Variants in BACH2 observed in about 807,000 individuals in gnomAD.
BACH2 encodes the protein BACH transcriptional regulator 2, also known as transcription regulator protein BACH2.
A neutral mutation model predicts 61.8 loss-of-function variants in BACH2; 5 were observed. That is an observed-to-expected ratio of 0.08 (90% confidence interval 0.04 to 0.17). The LOEUF (loss-of-function observed/expected upper bound fraction) is 0.17, where lower values mean the gene tolerates loss of function less well. Ranked by LOEUF, BACH2 falls within the 10% of genes least tolerant of loss-of-function variation. BACH2 has a pLI of 1.00. For missense variants in BACH2, 824 were observed against 1,091.1 expected (o/e 0.76, Z 3.45); for synonymous variants, 446 against 440.1 (o/e 1.01, Z -0.17).
At chr6:90,281,732 CT>C (rs1771864687) in intron 1 of BACH2, among the ~76,000 whole-genome samples, 1 of 152,054 alleles carries the variant, frequency 6.6e-6, no homozygotes, top group Non-Finnish European at 1.5e-5. Context: ...TTTTGATGCA[CT>C]TTTATTTGTT....
At chr6:90,077,104 G>A (rs530891583) in intron 5 of BACH2, among the ~76,000 whole-genome samples, 200 of 152,120 alleles carry the variant, frequency 1.3e-3, no homozygotes, top group Non-Finnish European at 2.5e-3. Flanking sequence ...GCACATGAAG[G>A]ATAAGTTAAA....
chr6:90,231,981 G>A (rs1316427387), intron 3 of BACH2, among the ~76,000 whole-genome samples: 1 of 152,030 alleles, frequency 6.6e-6, no homozygotes, highest in Non-Finnish European at 1.5e-5. Context: ...CTGAGAGAGA[G>A]AGACAGAGAG....
chr6:90,122,944 T>C (rs2127820362), intron 4 of BACH2, among the ~76,000 whole-genome samples: 1 of 152,326 alleles, frequency 6.6e-6, no homozygotes, highest in Non-Finnish European at 1.5e-5. Flanking sequence ...AGTAAAATGG[T>C]AAATCTAGAA....
At chr6:89,979,882 C>CG (rs1775856088) in intron 6 of BACH2, among the ~76,000 whole-genome samples, 1 of 152,070 alleles carries the variant, frequency 6.6e-6, no homozygotes, top group Non-Finnish European at 1.5e-5. Context: ...ACTGGGCTAC[C>CG]GAAAATGTAA....
At chr6:90,104,955 G>C (rs1310876044) in intron 4 of BACH2, among the ~76,000 whole-genome samples, 1 of 152,158 alleles carries the variant, frequency 6.6e-6, no homozygotes, top group Non-Finnish European at 1.5e-5. Context: ...CCTTCCGAAA[G>C]GTCATTACAT....
chr6:89,939,614 G>C (rs1773276918), intron 7 of BACH2, among the ~76,000 whole-genome samples: 1 of 151,154 alleles, frequency 6.6e-6, no homozygotes, highest in Non-Finnish European at 1.5e-5. Context: ...CTGAAGGATG[G>C]GTTTGTATCC....
intron 4 of BACH2, among the ~76,000 whole-genome samples, chr6:90,145,729 T>A (rs966197571): frequency 6.6e-6 from 1 of 152,172 alleles, no homozygotes; most frequent in Non-Finnish European, 1.5e-5. Context: ...GCATTAAGTC[T>A]CCCTCTGACG....
Position 89,950,507 on chromosome 6 carries a change from G to A in BACH2, c.1599C>T (p.Ser533=), listed in dbSNP as rs574405475. The A allele has an allele frequency of 2.4e-5, 39 of 1,613,774 alleles. No homozygotes were observed. Among genetic ancestry groups the A allele is most frequent in the Admixed American group, 2.3e-4 (14 of 59,982 alleles). ...CSSYSYAEDG[S]GGSPCSLPLC... ...GAGGGAGGCTGCAGGGTGAGCCCCC[G>A]CTCCCGTCCTCCGCGTAGGAATAGG... is the stretch of plus-strand genomic sequence containing the variant. Residue 533 remains serine, a synonymous_variant, in exon 7 of 9, where the codon AGC becomes AGT. Transcript: ENST00000257749. This position sits in a 1 kb window ranked among gnomAD's most constrained non-coding sequence, Gnocchi z 5.3.
At chr6:90,161,086 C>CAAA (rs11390042) in intron 4 of BACH2, among the ~76,000 whole-genome samples, 1,210 of 105,060 alleles carry the variant, frequency 0.012, 28 homozygotes, top group African/African-American at 0.033. Context: ...GACTCCGTCT[C>CAAA]AAAAAAAAAA....
chr6:90,295,238 A>C (rs1582576791), intron 1 of BACH2, among the ~76,000 whole-genome samples: 1 of 151,698 alleles, frequency 6.6e-6, no homozygotes, highest in Admixed American at 6.6e-5. Context: ...CAGACAAACC[A>C]CCCCGGCAGC....
At chr6:90,207,993 T>G (rs572674104) in intron 3 of BACH2, among the ~76,000 whole-genome samples, 2 of 152,288 alleles carry the variant, frequency 1.3e-5, no homozygotes, top group Admixed American at 1.3e-4. Flanking sequence ...AATCAGATGA[T>G]AGAGAGAGGA....
chr6:89,991,099 C>T (rs1197693702), intron 6 of BACH2, among the ~76,000 whole-genome samples: 1 of 152,178 alleles, frequency 6.6e-6, no homozygotes, highest in Non-Finnish European at 1.5e-5. Flanking sequence ...TTCTTATTTG[C>T]CCTCCACAAT....
intron 4 of BACH2, among the ~76,000 whole-genome samples, chr6:90,121,655 G>A (rs1184919690): frequency 6.6e-6 from 1 of 152,054 alleles, no homozygotes; most frequent in Non-Finnish European, 1.5e-5. Flanking sequence ...CAATTCTCCT[G>A]CCTCAGCCTC....
intron 5 of BACH2, among the ~76,000 whole-genome samples, chr6:90,057,578 T>G (rs1780435541): frequency 6.6e-6 from 1 of 152,194 alleles, no homozygotes; most frequent in Non-Finnish European, 1.5e-5. Flanking sequence ...CTTCTGAAAC[T>G]ATTCCAATCA....
intron 6 of BACH2, among the ~76,000 whole-genome samples, chr6:89,955,425 G>A (rs1011694358): frequency 5.3e-5 from 8 of 152,194 alleles, no homozygotes; most frequent in African/African-American, 1.9e-4. Flanking sequence ...GTTCAGGATA[G>A]GAGACTACTG....
chr6:90,085,243 G>A (rs992215818), intron 5 of BACH2, among the ~76,000 whole-genome samples: 15 of 152,114 alleles, frequency 9.9e-5, no homozygotes, highest in Non-Finnish European at 1.3e-4. Flanking sequence ...GCCCTACAGC[G>A]GGAGAACTAT....
At chr6:90,296,116 C>A (rs1207597043) in intron 1 of BACH2, among the ~76,000 whole-genome samples, 1 of 152,124 alleles carries the variant, frequency 6.6e-6, no homozygotes, top group African/African-American at 2.4e-5. Flanking sequence ...CGCGCGCCTC[C>A]TGCAGCCCGC....
At chr6:90,202,998 A>C (rs1769007304) in intron 4 of BACH2, among the ~76,000 whole-genome samples, 1 of 152,236 alleles carries the variant, frequency 6.6e-6, no homozygotes, top group Non-Finnish European at 1.5e-5. Context: ...GCAGTAACAC[A>C]GATAAACCAG....
chr6:89,940,685 T>C (rs895649739), intron 7 of BACH2, among the ~76,000 whole-genome samples: 1 of 152,226 alleles, frequency 6.6e-6, no homozygotes. Flanking sequence ...CCCTGTCTAA[T>C]ACAAACAATA....
Sources: gnomAD v4.1 joint callset for allele counts (sites outside exome capture counted in the v4.1 genomes callset) on GRCh38, gnomAD v4.1.1 for gene constraint, Gnocchi (gnomAD v3.1) non-coding constraint, MANE v1.5 for transcripts, NCBI Gene and HGNC (gene_info 2026-07-23, HGNC 2026-07-21) for gene names.